The following GDPD5 variants were observed in gnomAD, a reference collection of about 807,000 sequenced individuals.
GDPD5 encodes glycerophosphodiester phosphodiesterase domain containing 5.
In GDPD5, 48 loss-of-function variants were observed where a neutral mutation model predicts 75.1. That is an observed-to-expected ratio of 0.64 (90% CI 0.51 to 0.81). GDPD5 has a LOEUF of 0.81. GDPD5 is among the 40% of genes least tolerant of loss of function. The pLI is 0.00. For synonymous variants in GDPD5, 336 were observed against 339.0 expected (o/e 0.99, Z 0.10); for missense variants, 706 against 822.6 (o/e 0.86, Z 1.73).
In GDPD5 at chr11:75,442,592, C is replaced by T; in HGVS notation, c.949-11G>A. On this transcript the variant is annotated splice_polypyrimidine_tract_variant and intron_variant, in intron 11 of 16. Transcript: ENST00000336898. ...CCAGAAGGGGTCAGTCTGGCAGGGA[C>T]AGGGACACACACATGGCTGCATCAT... 2 of 1,612,758 alleles carry T rather than the reference C, an allele frequency of 1.2e-6. No individual in the cohort carries two copies. Among genetic ancestry groups the T allele is most frequent in the Non-Finnish European group, 1.7e-6 (2 of 1,179,118 alleles).
At chr11:75,450,536 C>T (rs2135226728) in intron 6 of GDPD5, 2 of 156,784 alleles carry the variant, frequency 1.3e-5, no homozygotes, top group East Asian at 3.8e-4. Flanking sequence ...AACACATCGC[C>T]ACCTGCCCCA....
At chr11:75,504,375 C>T (rs1210892976) in intron 1 of GDPD5, among the ~76,000 whole-genome samples, 1 of 152,162 alleles carries the variant, frequency 6.6e-6, no homozygotes, top group African/African-American at 2.4e-5. Flanking sequence ...CATCCAACTT[C>T]AAAACTCCCT....
At chr11:75,514,550 A>G (rs1362020596) in intron 1 of GDPD5, among the ~76,000 whole-genome samples, 1 of 152,252 alleles carries the variant, frequency 6.6e-6, no homozygotes, top group Non-Finnish European at 1.5e-5. Context: ...GTGAAGAGTT[A>G]GGATGATGCA....
chr11:75,435,284 C>T lies in GDPD5; in HGVS notation c.*223G>A. 2.1e-6 allele frequency: 1 copy of T among 474,832 alleles called. No homozygotes were observed. The allele number at this position is 474,832 out of a possible 1,614,324, so 29.4% of individuals were successfully genotyped here. On this transcript the variant is annotated 3_prime_UTR_variant, in exon 17 of 17. Coordinates refer to ENST00000336898, the MANE Select transcript of GDPD5 (RefSeq NM_030792.8). The stretch of plus-strand genomic sequence containing the variant: ...GGCCCCATACTTCCCAGAAGGAGCC[C>T]CAGGCCTGCAGGGGCATCTGAAAGG...
At chr11:75,464,123 C>T (rs1949470272) in intron 3 of GDPD5, among the ~76,000 whole-genome samples, 1 of 152,198 alleles carries the variant, frequency 6.6e-6, no homozygotes, top group Non-Finnish European at 1.5e-5. Context: ...CAGGATTGGG[C>T]AGGAAGGAGG....
chr11:75,492,976 C>T (rs537698636), intron 1 of GDPD5, among the ~76,000 whole-genome samples: 8 of 152,218 alleles, frequency 5.3e-5, no homozygotes, highest in Non-Finnish European at 7.3e-5. Context: ...ATGATCCACC[C>T]GCCTTGGCCT....
At chr11:75,449,220 C>T in intron 8 of GDPD5, 98 bp from the exon 9 acceptor site, 10 of 1,406,572 alleles carry the variant, frequency 7.1e-6, no homozygotes, top group Non-Finnish European at 9.6e-6. Flanking sequence ...GATCCAGGTG[C>T]TCTAGGGGGA....
chr11:75,514,366 C>T (rs563886748), intron 1 of GDPD5, among the ~76,000 whole-genome samples: 143 of 152,368 alleles, frequency 9.4e-4, no homozygotes, highest in African/African-American at 3.2e-3. Context: ...GGCCCTAGAG[C>T]ACAGACATCC....
At chr11:75,438,012 C>T (rs1948670925) in intron 15 of GDPD5, 1 of 152,234 alleles carries the variant, frequency 6.6e-6, no homozygotes, top group African/African-American at 2.4e-5. Flanking sequence ...CAAGACTCCA[C>T]AAGAAACCAA....
intron 1 of GDPD5, among the ~76,000 whole-genome samples, chr11:75,512,820 C>G (rs1950554613): frequency 6.6e-6 from 1 of 152,096 alleles, no homozygotes; most frequent in South Asian, 2.1e-4. Flanking sequence ...GAGGCCGAGG[C>G]AGGAGAATCA....
chr11:75,481,672 G>A (rs899448874), intron 2 of GDPD5, among the ~76,000 whole-genome samples: 2 of 152,040 alleles, frequency 1.3e-5, no homozygotes, highest in African/African-American at 2.4e-5. Context: ...CAGCCTTCCC[G>A]CAGGGGTGGG....
chr11:75,513,173 T>C (rs1374261880), intron 1 of GDPD5, among the ~76,000 whole-genome samples: 1 of 152,148 alleles, frequency 6.6e-6, no homozygotes, highest in Non-Finnish European at 1.5e-5. Context: ...ATTTAAATCA[T>C]TACATGACCT....
At chr11:75,440,994 C>T (rs1948780839) in intron 14 of GDPD5, among the ~76,000 whole-genome samples, 169 bp downstream of exon 14, 1 of 152,206 alleles carries the variant, frequency 6.6e-6, no homozygotes, top group Admixed American at 6.5e-5. Context: ...GTGCAGATCC[C>T]AGATGCCATG....
At position 75,456,614 on chromosome 11, in the gene GDPD5, C is replaced by T. The variant is rs117555534; in HGVS notation, c.375+143G>A. On this transcript the variant is annotated intron_variant, in intron 6 of 16. Coordinates refer to ENST00000336898, the MANE Select transcript of GDPD5 (RefSeq NM_030792.8). ...GTGAGGTTGTGAGAAAAGTGCTTGGCGCATAGTGAGTGCTCAGCCTTAGCT... is the reference window on the plus strand; with the variant it reads ...GTGAGGTTGTGAGAAAAGTGCTTGGTGCATAGTGAGTGCTCAGCCTTAGCT... 3.1e-4 allele frequency: 224 copies of T among 723,674 alleles called. 1 individual carries two copies. The East Asian group carries it at 5.6e-3, about 18-fold the overall frequency. The allele number at this position is 723,674 out of a possible 1,614,324, so 44.8% of individuals were successfully genotyped here.
At chr11:75,518,521 TAA>T (rs1950690160) in intron 1 of GDPD5, among the ~76,000 whole-genome samples, 1 of 152,182 alleles carries the variant, frequency 6.6e-6, no homozygotes, top group Non-Finnish European at 1.5e-5. Flanking sequence ...GCAGGACTTT[TAA>T]AAGTTTCCCA....
At chr11:75,444,345 A>G in intron 10 of GDPD5, 68 bp downstream of exon 10, 1 of 1,167,836 alleles carries the variant, frequency 8.6e-7, no homozygotes, top group East Asian at 2.4e-5. Flanking sequence ...TTCCCCCAGC[A>G]GAGACCCAGG....
At chr11:75,467,744 G>A (rs1949551887) in intron 3 of GDPD5, among the ~76,000 whole-genome samples, 1 of 152,034 alleles carries the variant, frequency 6.6e-6, no homozygotes, top group African/African-American at 2.4e-5. Flanking sequence ...CTGCTGTGAT[G>A]GAGAATCCTG....
intron 1 of GDPD5, among the ~76,000 whole-genome samples, chr11:75,516,608 C>T (rs1050646592): frequency 3.3e-5 from 5 of 152,146 alleles, no homozygotes; most frequent in Non-Finnish European, 7.4e-5. Flanking sequence ...AGACAGGGAG[C>T]GTGGACCAGC....
chr11:75,462,678 G>A, intron 4 of GDPD5, 108 bp downstream of exon 4: 1 of 805,708 alleles, frequency 1.2e-6, no homozygotes. Context: ...TGGTGGCAGA[G>A]CTCAGAGGGC....
Sources: gnomAD v4.1 joint callset for allele counts (sites outside exome capture counted in the v4.1 genomes callset) on GRCh38, gnomAD v4.1.1 for gene constraint, MANE v1.5 for transcripts, NCBI Gene and HGNC (gene_info 2026-07-23, HGNC 2026-07-21) for gene names.